NEURL4: variants seen among roughly 807,000 people sequenced by gnomAD.
NEURL4 encodes neuralized E3 ubiquitin protein ligase 4, also known as neuralized-like protein 4.
A neutral mutation model predicts 148.0 loss-of-function variants in NEURL4; 45 were observed. That is an observed-to-expected ratio of 0.30 (90% CI 0.24 to 0.39). NEURL4 has a LOEUF of 0.39. NEURL4 is among the 10% of genes least tolerant of loss of function. The probability of loss-of-function intolerance (pLI) is 1.00; values close to 1 mark genes in which losing one functional copy is unlikely to be tolerated. For missense variants in NEURL4, 1,776 were observed against 2,144.0 expected (o/e 0.83, Z 3.39); for synonymous variants, 854 against 869.0 (o/e 0.98, Z 0.30).
In NEURL4 at chr17:7,321,588, T is replaced by C; in HGVS notation, c.3071A>G (p.Asn1024Ser). ...VRRDGQLQRM[N>S]YGRNLERLGV... is the part of the protein sequence containing the mutation. ...CAGCCTCTCTAGGTTCCGGCCATAG[T>C]TCATCCTCTGGAGCTGCCCATCACG... Residue 1024 changes from asparagine to serine, a missense_variant, in exon 18 of 29, where the codon AAC becomes AGC. Coordinates refer to ENST00000399464, the MANE Select transcript of NEURL4 (RefSeq NM_032442.3). The surrounding 1 kb of genome is among the most constrained non-coding windows in gnomAD (Gnocchi z 6.3). 6.2e-7 allele frequency: 1 copy of C among 1,614,070 alleles called. No homozygotes were observed. Among genetic ancestry groups the C allele is most frequent in the Non-Finnish European group, 8.5e-7 (1 of 1,180,022 alleles).
chr17:7,327,489 G>A lies in NEURL4; in HGVS notation c.678C>T (p.Ala226=), dbSNP rs2073117744. 6.3e-7 allele frequency: 1 copy of A among 1,582,446 alleles called. No individual in the cohort carries two copies. The highest frequency in any genetic ancestry group is 8.6e-7 in the Non-Finnish European group (1 of 1,162,222). The change falls in exon 2 of 29, where the codon GCC becomes GCT. Residue 226 remains alanine (A), a synonymous_variant. Transcript: ENST00000399464. The surrounding 1 kb of genome is among the most constrained non-coding windows in gnomAD (Gnocchi z 6.6). The stretch of plus-strand genomic sequence containing the variant: ...CAGCCAAGGCAGAGTCTTCAGTGGG[G>A]GCCAAGGGCTCGAGGGGAGGTGTGG... ...PIPTPPLEPL[A]PTEDSALAEQ...
chr17:7,320,186 G>A (rs2073011744), intron 21 of NEURL4, among the ~76,000 whole-genome samples: 1 of 151,220 alleles, frequency 6.6e-6, no homozygotes, highest in African/African-American at 2.4e-5. Flanking sequence ...AGGCTAGAGT[G>A]CGGTGGCGTG....
At chr17:7,328,311 GC>G (rs2073129056) in intron 1 of NEURL4, among the ~76,000 whole-genome samples, 1 of 152,160 alleles carries the variant, frequency 6.6e-6, no homozygotes. Flanking sequence ...TTTTCTGTGA[GC>G]CTGGCCTCTT....
chr17:7,320,991 T>C (rs867256389), intron 20 of NEURL4, 68 bp from the exon 21 acceptor site: 7 of 1,600,320 alleles, frequency 4.4e-6, no homozygotes, highest in Middle Eastern at 3.4e-4. Flanking sequence ...CCACTGGAGT[T>C]TGCACAGATC....
rs1446790388 is a variant in NEURL4, at chr17:7,326,566, A to C, written c.1093-18T>G. On this transcript the variant is annotated intron_variant, in intron 4 of 28. Coordinates refer to ENST00000399464, the MANE Select transcript of NEURL4 (RefSeq NM_032442.3). This position sits in a 1 kb window ranked among gnomAD's most constrained non-coding sequence, Gnocchi z 6.0. ...ATACGGATCTGGCATTGAGGGACAG[A>C]AGGGAGAAGCAGGGAATGTAAATGC... The C allele has an allele frequency of 6.2e-7, 1 of 1,612,738 alleles. No homozygotes were observed. Among genetic ancestry groups the C allele is most frequent in the Non-Finnish European group, 8.5e-7 (1 of 1,178,876 alleles).
chr17:7,322,948 C>T lies in NEURL4; in HGVS notation c.2593G>A (p.Glu865Lys). The T allele has an allele frequency of 1.2e-6, 2 of 1,613,470 alleles. No homozygotes were observed. The highest frequency in any genetic ancestry group is 3.3e-5 in the Admixed American group (2 of 60,020). The stretch of plus-strand genomic sequence containing the variant: ...GGCAGGCTGAAAGCCACATAGTCAC[C>T]TTTACCCGGAGGCAGGCCCGAGCAG... ...AACSGLPPGK[E>K]VYAVVDLYGQ... Residue 865 changes from glutamate (E) to lysine (K), a missense_variant and splice_region_variant, in exon 15 of 29, where the codon GAG becomes AAG. Glu to Lys is a moderately conservative substitution (Grantham distance 56). Coordinates refer to ENST00000399464, the MANE Select transcript of NEURL4 (RefSeq NM_032442.3). The surrounding 1 kb of genome is among the most constrained non-coding windows in gnomAD (Gnocchi z 5.5).
Position 7,319,097 on chromosome 17 carries a change from C to A in NEURL4, c.3637G>T (p.Ala1213Ser). The change falls in exon 22 of 29, where the codon GCA becomes TCA. Residue 1213 changes from alanine to serine, a missense_variant. Physicochemically the swap from Ala to Ser is moderately conservative, Grantham distance 99. Coordinates refer to ENST00000399464, the MANE Select transcript of NEURL4 (RefSeq NM_032442.3). The stretch of plus-strand genomic sequence containing the variant: ...CCACGGCCCCGCAGCAGCCAGGCTG[C>A]CCGTTTGAGGGCACAGGCAGAAGCA... The part of the protein sequence containing the change: ...FPASACALKR[A>S]AWLLRGRGVF... 6.2e-7 allele frequency: 1 copy of A among 1,614,014 alleles called. No individual in the cohort carries two copies. Among genetic ancestry groups the A allele is most frequent in the East Asian group, 2.2e-5 (1 of 44,872 alleles).
chr17:7,319,830 CCTTT>C (rs2073006123), intron 21 of NEURL4, among the ~76,000 whole-genome samples: 3 of 151,766 alleles, frequency 2.0e-5, no homozygotes, highest in South Asian at 2.1e-4. Context: ...GTTTTCTTTT[CCTTT>C]CTTTTTTTTT....
Position 7,327,930 on chromosome 17 carries a change from A to G in NEURL4, c.283-46T>C. The G allele has an allele frequency of 7.0e-7, 1 of 1,437,718 alleles. No individual in the cohort carries two copies. Among genetic ancestry groups the G allele is most frequent in the Non-Finnish European group, 9.4e-7 (1 of 1,064,034 alleles). 89.1% of individuals were successfully genotyped at this position (1,437,718 alleles called of 1,614,324 possible). ...AGAGGCTTAGAATGGGCCACCCCCC[A>G]TTCCACAGGCCACCATATCTTCCCA... On this transcript the variant is annotated intron_variant, in intron 1 of 28. Transcript: ENST00000399464. This position sits in a 1 kb window ranked among gnomAD's most constrained non-coding sequence, Gnocchi z 6.6.
rs370681631 is a variant in NEURL4 at position 7,318,666 on chromosome 17, C to T, written c.3693G>A (p.Glu1231=). The change falls in exon 23 of 29, where the codon GAG becomes GAA. Residue 1231 remains glutamate (E), a synonymous_variant. Coordinates refer to ENST00000399464, the MANE Select transcript of NEURL4 (RefSeq NM_032442.3). The surrounding 1 kb of genome is among the most constrained non-coding windows in gnomAD (Gnocchi z 4.3). The part of the protein sequence containing the change: ...GVFHNGLKIC[E]KFGPNLDTCP... ...ACGTGTCCAGATTGGGCCCAAACTTCTCGCAGATCTGGGAGGAGAGACCGG... is the reference window on the plus strand; with the variant it reads ...ACGTGTCCAGATTGGGCCCAAACTTTTCGCAGATCTGGGAGGAGAGACCGG... The T allele has an allele frequency of 1.8e-5, 29 of 1,607,708 alleles. No individual in the cohort carries two copies. Among genetic ancestry groups the T allele is most frequent in the Non-Finnish European group, 2.4e-5 (28 of 1,176,514 alleles).
chr17:7,320,988 A>C, intron 20 of NEURL4, 65 bp from the exon 21 acceptor site: 1 of 1,601,412 alleles, frequency 6.2e-7, no homozygotes, highest in Non-Finnish European at 8.5e-7. Context: ...ACCCCACTGG[A>C]GTTTGCACAG....
At position 7,321,172 on chromosome 17, in the gene NEURL4, G is replaced by C. The variant is rs1158634196; in HGVS notation, c.3300C>G (p.Pro1100=). ...EESEGTQPPS[P]SSDTGSEGEE... ...CGCCCTCACTGCCGGTGTCTGAACTGGGGGAAGGAGGCTGGGTGCCTTCTG... is the reference window on the plus strand; with the variant it reads ...CGCCCTCACTGCCGGTGTCTGAACTCGGGGAAGGAGGCTGGGTGCCTTCTG... Residue 1100 remains proline, a synonymous_variant, in exon 20 of 29, where the codon CCC becomes CCG. Transcript: ENST00000399464. This position sits in a 1 kb window ranked among gnomAD's most constrained non-coding sequence, Gnocchi z 6.3. 3.7e-6 allele frequency: 6 copies of C among 1,613,942 alleles called. No individual in the cohort carries two copies. The highest frequency in any genetic ancestry group is 5.1e-6 in the Non-Finnish European group (6 of 1,180,028).
rs768344976 is a variant in NEURL4, at chr17:7,324,422, T to C, written c.1872A>G (p.Glu624=). ...VMHNGTTILD[E]YGHNLDRLKA... is the part of the protein sequence containing the mutation. ...TGAGGCGGTCCAGATTGTGCCCGTA[T>C]TCATCCAGGATGGTCGTCCCATTGT... Residue 624 remains glutamate, a synonymous_variant, in exon 10 of 29, where the codon GAA becomes GAG. Transcript: ENST00000399464. This position sits in a 1 kb window ranked among gnomAD's most constrained non-coding sequence, Gnocchi z 5.9. 12 of 1,614,186 alleles carry C rather than the reference T, an allele frequency of 7.4e-6. No homozygotes were observed. The highest frequency in any genetic ancestry group is 1.0e-5 in the Non-Finnish European group (12 of 1,180,028).
intron 7 of NEURL4, 72 bp from the exon 8 acceptor site, chr17:7,325,545 C>T (rs1208341572): frequency 1.3e-6 from 2 of 1,589,584 alleles, no homozygotes; most frequent in African/African-American, 2.7e-5. Context: ...CACAGGGAGG[C>T]CAAGCACCAA....
Position 7,318,652 on chromosome 17 carries a change from T to C in NEURL4, c.3707A>G (p.Asn1236Ser). Residue 1236 changes from asparagine to serine, a missense_variant, in exon 23 of 29, where the codon AAT becomes AGT. By Grantham distance (46) the Asn-to-Ser change is conservative. Coordinates refer to ENST00000399464, the MANE Select transcript of NEURL4 (RefSeq NM_032442.3). This position sits in a 1 kb window ranked among gnomAD's most constrained non-coding sequence, Gnocchi z 4.3. ...GGTGCCTTCAGGGCACGTGTCCAGA[T>C]TGGGCCCAAACTTCTCGCAGATCTG... ...GLKICEKFGP[N>S]LDTCPEGTIL... 1.2e-6 allele frequency: 2 copies of C among 1,611,220 alleles called. No homozygotes were observed. The highest frequency in any genetic ancestry group is 1.7e-6 in the Non-Finnish European group (2 of 1,178,626).
intron 1 of NEURL4, among the ~76,000 whole-genome samples, chr17:7,328,763 G>A (rs1157581869): frequency 6.6e-6 from 1 of 152,142 alleles, no homozygotes; most frequent in Non-Finnish European, 1.5e-5. Context: ...AATTGTACCA[G>A]GAGGTCTGTT....
Position 7,327,484 on chromosome 17 carries a change from G to A in NEURL4, c.683C>T (p.Thr228Ile), listed in dbSNP as rs371972911. ...PTPPLEPLAP[T>I]EDSALAEQGT... ...CTGTTCAGCCAAGGCAGAGTCTTCA[G>A]TGGGGGCCAAGGGCTCGAGGGGAGG... Residue 228 changes from threonine to isoleucine, a missense_variant, in exon 2 of 29, where the codon ACT becomes ATT. Thr to Ile is a moderately conservative substitution (Grantham distance 89). Coordinates refer to ENST00000399464, the MANE Select transcript of NEURL4 (RefSeq NM_032442.3). The surrounding 1 kb of genome is among the most constrained non-coding windows in gnomAD (Gnocchi z 6.6). 2.2e-5 allele frequency: 34 copies of A among 1,579,022 alleles called. No individual in the cohort carries two copies. Among genetic ancestry groups the A allele is most frequent in the Non-Finnish European group, 2.9e-5 (34 of 1,160,252 alleles).
rs940149324 is a variant in NEURL4 at position 7,327,929 on chromosome 17, C to G, written c.283-45G>C. On this transcript the variant is annotated intron_variant, in intron 1 of 28. Coordinates refer to ENST00000399464, the MANE Select transcript of NEURL4 (RefSeq NM_032442.3). This position sits in a 1 kb window ranked among gnomAD's most constrained non-coding sequence, Gnocchi z 6.6. Reference sequence around the variant, plus strand: ...CAGAGGCTTAGAATGGGCCACCCCCCATTCCACAGGCCACCATATCTTCCC... The same window carrying G: ...CAGAGGCTTAGAATGGGCCACCCCCGATTCCACAGGCCACCATATCTTCCC... 3 of 1,445,194 alleles carry G rather than the reference C, an allele frequency of 2.1e-6. No individual in the cohort carries two copies. Among genetic ancestry groups the G allele is most frequent in the Non-Finnish European group, 1.9e-6 (2 of 1,069,836 alleles). The allele number at this position is 1,445,194 out of a possible 1,614,324, so 89.5% of individuals were successfully genotyped here.
Position 7,327,255 on chromosome 17 carries a change from G to C in NEURL4, c.728-25C>G. ...GCTGGGGACCAGGTGGGATGGGAGG[G>C]GAATAAGGGTTCAGTCCCTGCTTCA... On this transcript the variant is annotated intron_variant, in intron 2 of 28. Transcript: ENST00000399464. The surrounding 1 kb of genome is among the most constrained non-coding windows in gnomAD (Gnocchi z 6.6). 6.3e-7 allele frequency: 1 copy of C among 1,591,640 alleles called. No individual in the cohort carries two copies. The highest frequency in any genetic ancestry group is 8.5e-7 in the Non-Finnish European group (1 of 1,170,300).
Sources: gnomAD v4.1 joint callset for allele counts (sites outside exome capture counted in the v4.1 genomes callset) on GRCh38, gnomAD v4.1.1 for gene constraint, Gnocchi (gnomAD v3.1) non-coding constraint, MANE v1.5 for transcripts, NCBI Gene and HGNC (gene_info 2026-07-23, HGNC 2026-07-21) for gene names.